Variants in LIMK2 observed in about 807,000 individuals in gnomAD.
The protein encoded by LIMK2 is LIM domain kinase 2.
A neutral mutation model predicts 75.7 loss-of-function variants in LIMK2; 35 were observed. That is an observed-to-expected ratio of 0.46 (90% confidence interval 0.35 to 0.61). The LOEUF (loss-of-function observed/expected upper bound fraction) is 0.61, where lower values mean the gene tolerates loss of function less well. Among genes scored for constraint, LIMK2 ranks in the 20% least tolerant of loss-of-function variants. The pLI is 0.00. For synonymous variants in LIMK2, 301 were observed against 319.2 expected (o/e 0.94, Z 0.61); for missense variants, 623 against 831.0 (o/e 0.75, Z 3.08).
intron 8 of LIMK2, 107 bp downstream of exon 8, chr22:31,266,239 A>AGGCC (rs1338586714): frequency 8.8e-7 from 1 of 1,136,876 alleles, no homozygotes; most frequent in Non-Finnish European, 1.3e-6. Context: ...GCAGGATGCC[A>AGGCC]GGCCTCCTTC....
intron 2 of LIMK2, among the ~76,000 whole-genome samples, chr22:31,251,120 A>G (rs1401356116): frequency 2.0e-5 from 3 of 152,246 alleles, no homozygotes; most frequent in Admixed American, 1.3e-4. Flanking sequence ...GTGAGCTGCA[A>G]TTACCACTGT....
chr22:31,225,902 A>G (rs766287199), intron 2 of LIMK2, 83 bp downstream of exon 2: 14 of 1,027,256 alleles, frequency 1.4e-5, no homozygotes, highest in Non-Finnish European at 1.6e-5. Flanking sequence ...CACAGAAACA[A>G]GCTTCTGAGT....
intron 2 of LIMK2, among the ~76,000 whole-genome samples, chr22:31,226,641 G>T (rs934223623): frequency 7.6e-6 from 1 of 131,240 alleles, no homozygotes; most frequent in African/African-American, 2.6e-5. Flanking sequence ...ACAGAGTCTC[G>T]CTCTGTCGCC....
At chr22:31,257,011 C>T (rs886618550) in intron 2 of LIMK2, among the ~76,000 whole-genome samples, 6 of 144,350 alleles carry the variant, frequency 4.2e-5, no homozygotes, top group Non-Finnish European at 7.5e-5. Context: ...GCTTCATAGC[C>T]AGGTCATTAG....
chr22:31,275,389 C>T (rs568581731), intron 15 of LIMK2, 81 bp downstream of exon 15: 2 of 1,414,836 alleles, frequency 1.4e-6, no homozygotes, highest in East Asian at 2.3e-5. Context: ...GAGCCCTCTG[C>T]AAGCACAGGG....
chr22:31,221,802 A>G (rs571447916), intron 1 of LIMK2, among the ~76,000 whole-genome samples: 1 of 152,030 alleles, frequency 6.6e-6, no homozygotes, highest in South Asian at 2.1e-4. Flanking sequence ...TAATTATATT[A>G]TTGTTTAATA....
chr22:31,226,178 CTTATTTTATTTTATTTTATT>C (rs144244697), intron 2 of LIMK2, among the ~76,000 whole-genome samples: 43 of 145,922 alleles, frequency 2.9e-4, no homozygotes, highest in African/African-American at 1.1e-3. Context: ...TGTTTGTATT[CTTATTTTATTTTATTTTATT>C]TTATTTTATT....
Position 31,275,268 on chromosome 22 carries a change from C to T in LIMK2, c.1732C>T (p.Pro578Ser), listed in dbSNP as rs771541571. The stretch of plus-strand genomic sequence containing the variant: ...CACAGATTGTCCCCCGGCCTTCTTC[C>T]CGCTGGCCGCCATCTGCTGCAGACT... ...VPTDCPPAFFPLAAICCRLEP... is the reference protein window; with the variant it reads ...VPTDCPPAFFSLAAICCRLEP... Residue 578 changes from proline (P) to serine (S), a missense_variant, in exon 15 of 16, where the codon CCG (proline) becomes TCG (serine). By Grantham distance (74) the Pro-to-Ser change is moderately conservative. Coordinates refer to ENST00000331728, the MANE Select transcript of LIMK2 (RefSeq NM_005569.4). 6.2e-7 allele frequency: 1 copy of T among 1,614,080 alleles called. No individual in the cohort carries two copies. The highest frequency in any genetic ancestry group is 1.3e-5 in the African/African-American group (1 of 74,932).
Position 31,278,663 on chromosome 22 carries a change from T to C in LIMK2, c.*222T>C. 2.5e-6 allele frequency: 1 copy of C among 408,142 alleles called. No individual in the cohort carries two copies. The highest frequency in any genetic ancestry group is 6.4e-4 in the Middle Eastern group (1 of 1,564). 25.3% of individuals were successfully genotyped at this position (408,142 alleles called of 1,614,324 possible). A position where few individuals can be genotyped will look rare whatever the true frequency, so the allele number is the denominator to read the frequency against. The stretch of plus-strand genomic sequence containing the variant: ...GCCTAGTTACTGTCTGTAAATCCAA[T>C]ACTTGCCTGAAAGCTGTGAAGAAGA... On this transcript the variant is annotated 3_prime_UTR_variant, in exon 16 of 16. Coordinates refer to ENST00000331728, the MANE Select transcript of LIMK2 (RefSeq NM_005569.4).
chr22:31,251,990 C>T (rs965624388), intron 2 of LIMK2, among the ~76,000 whole-genome samples: 13 of 152,194 alleles, frequency 8.5e-5, no homozygotes, highest in African/African-American at 2.9e-4. Flanking sequence ...GGATGACCAT[C>T]CAGCCAGGCC....
Position 31,275,259 on chromosome 22 carries a change from G to A in LIMK2, c.1723G>A (p.Ala575Thr), listed in dbSNP as rs1408785815. 1 of 1,614,170 alleles carries A rather than the reference G, an allele frequency of 6.2e-7. No homozygotes were observed. Among genetic ancestry groups the A allele is most frequent in the Admixed American group, 1.7e-5 (1 of 60,020 alleles). Residue 575 changes from alanine (A) to threonine (T), a missense_variant, in exon 15 of 16, where the codon GCC (alanine) becomes ACC (threonine). By Grantham distance (58) the Ala-to-Thr change is moderately conservative (BLOSUM62 0). This residue lies in a region of LIMK2 where 63 missense variants were observed against 122.8 expected (regional missense o/e 0.51). Transcript: ENST00000331728. ...GTTTGTTCCCACAGATTGTCCCCCG[G>A]CCTTCTTCCCGCTGGCCGCCATCTG... ...EKFVPTDCPPAFFPLAAICCR... is the reference protein window; with the variant it reads ...EKFVPTDCPPTFFPLAAICCR...
chr22:31,271,695 C>T (rs145203327), intron 12 of LIMK2, among the ~76,000 whole-genome samples: 1,781 of 152,124 alleles, frequency 0.012, 17 homozygotes, highest in Non-Finnish European at 0.02. Context: ...GGGTGTCTAC[C>T]GGCTGGCCCT....
intron 2 of LIMK2, among the ~76,000 whole-genome samples, chr22:31,228,071 CAT>C (rs1165767484): frequency 2.6e-5 from 4 of 151,418 alleles, no homozygotes; most frequent in Admixed American, 6.6e-5. Flanking sequence ...AGAAAGATAA[CAT>C]ATGTACACAA....
intron 5 of LIMK2, among the ~76,000 whole-genome samples, chr22:31,261,860 G>A (rs1255221888): frequency 6.6e-6 from 1 of 152,248 alleles, no homozygotes; most frequent in Non-Finnish European, 1.5e-5. Flanking sequence ...ATGGAAAGAA[G>A]GCAGAGTTCT....
intron 11 of LIMK2, 113 bp downstream of exon 11, chr22:31,268,313 C>A: frequency 1.2e-6 from 1 of 851,820 alleles, no homozygotes; most frequent in South Asian, 1.3e-5. Flanking sequence ...TGGGCTGGGT[C>A]AGCAGCTATT....
At position 31,278,438 on chromosome 22, in the gene LIMK2, C is replaced by G; in HGVS notation, c.1914C>G (p.Pro638=). 2 of 1,607,674 alleles carry G rather than the reference C, an allele frequency of 1.2e-6. No individual in the cohort carries two copies. The highest frequency in any genetic ancestry group is 8.5e-7 in the Non-Finnish European group (1 of 1,176,906). Residue 638 remains proline (P), a synonymous_variant, in exon 16 of 16, where the codon CCC becomes CCG. Coordinates refer to ENST00000331728, the MANE Select transcript of LIMK2 (RefSeq NM_005569.4). Reference sequence around the variant, plus strand: ...ACGGCCTGACCCGGGACTCACCTCCCTAGCCCTGGCCCAGCCCCCTGCAGG... The same window carrying G: ...ACGGCCTGACCCGGGACTCACCTCCGTAGCCCTGGCCCAGCCCCCTGCAGG... ...MQYGLTRDSP[P]
chr22:31,269,073 C>G (rs1448839479), intron 11 of LIMK2, among the ~76,000 whole-genome samples: 1 of 142,988 alleles, frequency 7.0e-6, no homozygotes, highest in Non-Finnish European at 1.6e-5. Context: ...TTTTTTTTTC[C>G]TGTTTCTGGG....
At chr22:31,265,801 G>C (rs1370703085) in intron 7 of LIMK2, 145 bp from the exon 8 acceptor site, 2 of 638,238 alleles carry the variant, frequency 3.1e-6, no homozygotes, top group African/African-American at 1.8e-5. Context: ...TGATACATCT[G>C]ATGTAAGAGC....
At position 31,212,391 on chromosome 22, in the gene LIMK2, TTCCGCGCTCCCGGGACCATG is replaced by T; in HGVS notation, c.-9_11del. 3 of 1,339,272 alleles carry T rather than the reference TTCCGCGCTCCCGGGACCATG, an allele frequency of 2.2e-6. No individual in the cohort carries two copies. The highest frequency in any genetic ancestry group is 1.5e-5 in the African/African-American group (1 of 66,928). 83.0% of individuals were successfully genotyped at this position (1,339,272 alleles called of 1,614,324 possible). ...GTGTCCCCCGCCTCCTCCTCCCCATTTCCGCGCTCCCGGGACCATGTCCGCGCTGGCGGGTAAGGAAGGGC... is the reference window on the plus strand; with the variant it reads ...GTGTCCCCCGCCTCCTCCTCCCCATTTCCGCGCTGGCGGGTAAGGAAGGGC... On this transcript the variant is annotated start_lost and 5_prime_UTR_variant, in exon 1 of 16. Coordinates refer to ENST00000331728, the MANE Select transcript of LIMK2 (RefSeq NM_005569.4).
Sources: gnomAD v4.1 joint callset for allele counts (sites outside exome capture counted in the v4.1 genomes callset) on GRCh38, gnomAD v4.1.1 for gene constraint, gnomAD v4.1.1 regional missense constraint, MANE v1.5 for transcripts, NCBI Gene and HGNC (gene_info 2026-07-23, HGNC 2026-07-21) for gene names.